PDE4D: variants seen among roughly 807,000 people sequenced by gnomAD.
PDE4D encodes the protein phosphodiesterase 4D.
Under a neutral mutation model 87.4 loss-of-function variants are expected in PDE4D, and 24 were observed. The observed-to-expected ratio is 0.27, with a 90% CI of 0.20 to 0.39. The LOEUF is 0.39. Among genes scored for constraint, PDE4D ranks in the 10% least tolerant of loss-of-function variants. The pLI is 1.00. For missense variants in PDE4D, 714 were observed against 1,041.0 expected (o/e 0.69, Z 4.32); for synonymous variants, 384 against 383.2 (o/e 1.00, Z -0.02).
intron 1 of PDE4D, among the ~76,000 whole-genome samples, chr5:59,591,562 T>C (rs1463279870): frequency 1.4e-5 from 2 of 144,338 alleles, no homozygotes; most frequent in Non-Finnish European, 2.9e-5. Context: ...CTTAAATAAC[T>C]TGATGAAATA....
chr5:60,072,280 T>A (rs144491167), intron 2 of PDE4D, among the ~76,000 whole-genome samples: 2 of 152,288 alleles, frequency 1.3e-5, no homozygotes, highest in East Asian at 3.9e-4. Context: ...GATACTGAGT[T>A]TTTTTCATAT....
chr5:59,776,862 A>T (rs948419568), intron 1 of PDE4D, among the ~76,000 whole-genome samples: 7 of 129,722 alleles, frequency 5.4e-5, no homozygotes, highest in African/African-American at 7.7e-5. Flanking sequence ...ATGTTTCACG[A>T]AAAAAAAAAA....
chr5:60,124,694 T>A (rs1413088548), intron 2 of PDE4D, among the ~76,000 whole-genome samples: 1 of 152,162 alleles, frequency 6.6e-6, no homozygotes, highest in Non-Finnish European at 1.5e-5. Context: ...TATATCTTAT[T>A]TCTCTGCCTA....
At chr5:60,055,142 G>A (rs1770637300) in intron 2 of PDE4D, among the ~76,000 whole-genome samples, 1 of 152,032 alleles carries the variant, frequency 6.6e-6, no homozygotes, top group African/African-American at 2.4e-5. Flanking sequence ...AGCTCCGAGA[G>A]ACCAGGGACC....
chr5:60,023,052 G>T (rs1385035809), intron 2 of PDE4D, among the ~76,000 whole-genome samples: 3 of 152,116 alleles, frequency 2.0e-5, no homozygotes, highest in Non-Finnish European at 4.4e-5. Context: ...AAATTCAGGA[G>T]GCCTCTGGAG....
rs1189201473 is a variant in PDE4D at position 60,505,487 on chromosome 5, A to G, written n.70+16564T>C. Among the ~76,000 whole-genome samples the G allele has an allele frequency of 2.6e-5, 4 of 152,174 alleles. 1 individual carries two copies. In the East Asian group the frequency reaches 7.7e-4, roughly 29 times the overall value. On this transcript the variant is annotated intron_variant and non_coding_transcript_variant, in intron 1 of 2. Coordinates refer to the PDE4D transcript ENST00000506510. ...AGCATATCAACGTACGTTCTTCTCC[A>G]CTGTGAAACACTGAGCTGAGCACTC...
In PDE4D at chr5:58,975,009, C is replaced by A; in HGVS notation, c.2085G>T (p.Gln695His). 1 of 1,608,630 alleles carries A rather than the reference C, an allele frequency of 6.2e-7. No homozygotes were observed. Among genetic ancestry groups the A allele is most frequent in the East Asian group, 2.2e-5 (1 of 44,726 alleles). The change falls in exon 15 of 15, where the codon CAG (glutamine) becomes CAT (histidine). Residue 695 changes from glutamine (Q) to histidine (H), a missense_variant. Around this residue, in one of 7 missense-constraint regions of PDE4D, gnomAD observed 97 missense variants for 176.9 expected, o/e 0.55. Transcript: ENST00000340635. This position sits in a 1 kb window ranked among gnomAD's most constrained non-coding sequence, Gnocchi z 4.2. ...TGTCCTCCAAAGTGTCCAAAATATCCTGGGCGTCAGGGTGGACGAGGTCTG... is the reference window on the plus strand; with the variant it reads ...TGTCCTCCAAAGTGTCCAAAATATCATGGGCGTCAGGGTGGACGAGGTCTG... ...TWADLVHPDA[Q>H]DILDTLEDNR...
rs1478257863 is a variant in PDE4D, at chr5:58,992,119, C to T, written c.1016-115G>A. 7.2e-6 allele frequency: 5 copies of T among 695,404 alleles called. No homozygotes were observed. The East Asian group carries it at 1.3e-4, about 18-fold the overall frequency. The allele number at this position is 695,404 out of a possible 1,614,324, so 43.1% of individuals were successfully genotyped here. A position where few individuals can be genotyped will look rare whatever the true frequency, so the allele number is the denominator to read the frequency against. On this transcript the variant is annotated intron_variant, in intron 7 of 14. Coordinates refer to ENST00000340635, the MANE Select transcript of PDE4D (RefSeq NM_001104631.2). ...TATATATTCCAGGAAATGTTTCCAA[C>T]TAAAAAGTTTCCTTTTAGAGAGTTC...
At chr5:60,089,275 T>C (rs939248883) in intron 2 of PDE4D, among the ~76,000 whole-genome samples, 1 of 152,020 alleles carries the variant, frequency 6.6e-6, no homozygotes, top group African/African-American at 2.4e-5. Context: ...TTCTCTAGGA[T>C]AGACCATATG....
rs538001080 is a variant in PDE4D, at chr5:59,504,947, C to T, written c.456-288979G>A. Among the ~76,000 whole-genome samples, 100 of 144,390 alleles carry T rather than the reference C, an allele frequency of 6.9e-4. 1 individual carries two copies. In the South Asian group the frequency reaches 0.019, roughly 27 times the overall value. 94.7% of individuals were successfully genotyped at this position (144,390 alleles called of 152,430 possible). A position where few individuals can be genotyped will look rare whatever the true frequency, so the allele number is the denominator to read the frequency against. On this transcript the variant is annotated intron_variant, in intron 1 of 14. Coordinates refer to ENST00000340635, the MANE Select transcript of PDE4D (RefSeq NM_001104631.2). ...GTGTGTGTGTGTGTGTGTGCGTGCG[C>T]GTGTGTTTGTGTATGTGTGTGTGTG...
chr5:59,988,456 A>G, intron 3 of PDE4D: 3 of 1,391,234 alleles, frequency 2.2e-6, no homozygotes, highest in South Asian at 1.2e-5. Context: ...TCTAAAATAT[A>G]AAATGGGGAA....
chr5:59,160,786 CT>C (rs1561595861), intron 5 of PDE4D, among the ~76,000 whole-genome samples: 1 of 151,862 alleles, frequency 6.6e-6, no homozygotes, highest in Admixed American at 6.6e-5. Context: ...GATTTCTGAG[CT>C]TAGATGCTCT....
chr5:59,968,638 A>C (rs933298408), intron 3 of PDE4D, among the ~76,000 whole-genome samples: 1 of 150,018 alleles, frequency 6.7e-6, no homozygotes, highest in African/African-American at 2.4e-5. Flanking sequence ...GCAGTTTTAG[A>C]AATTTGGATA....
intron 6 of PDE4D, among the ~76,000 whole-genome samples, chr5:59,031,936 AGGAGGAG>A (rs1301495439): frequency 1.3e-5 from 2 of 152,014 alleles, no homozygotes; most frequent in African/African-American, 4.8e-5. Flanking sequence ...GAGGCTGTAG[AGGAGGAG>A]GGAGAGAGAA....
At chr5:59,402,147 A>G (rs961545640) in intron 1 of PDE4D, among the ~76,000 whole-genome samples, 4 of 152,226 alleles carry the variant, frequency 2.6e-5, no homozygotes, top group Admixed American at 2.6e-4. Context: ...CAACAATGGC[A>G]TGGAAATTCG....
chr5:59,095,295 T>C (rs1769494379), intron 5 of PDE4D, among the ~76,000 whole-genome samples: 1 of 150,898 alleles, frequency 6.6e-6, no homozygotes, highest in Non-Finnish European at 1.5e-5. Flanking sequence ...AATCTCATAA[T>C]GAGGCATTCT....
At chr5:60,264,971 T>A (rs1001777935) in intron 1 of PDE4D, among the ~76,000 whole-genome samples, 2 of 152,154 alleles carry the variant, frequency 1.3e-5, no homozygotes, top group Admixed American at 6.5e-5. Context: ...ATGATGAAAA[T>A]TACAGGCATG....
At chr5:60,328,150 A>G (rs1756975675) in intron 1 of PDE4D, among the ~76,000 whole-genome samples, 1 of 152,172 alleles carries the variant, frequency 6.6e-6, no homozygotes. Flanking sequence ...ATCTAGCTCT[A>G]GTCACTGGGA....
At chr5:60,374,098 T>C (rs1761247372) in intron 1 of PDE4D, among the ~76,000 whole-genome samples, 2 of 152,316 alleles carry the variant, frequency 1.3e-5, no homozygotes, top group South Asian at 4.1e-4. Flanking sequence ...CACCAAGCCT[T>C]CCTTTCCTTG....
Sources: allele counts gnomAD v4.1 joint callset (sites outside exome capture counted in the v4.1 genomes callset), GRCh38; gene constraint gnomAD v4.1.1; regional missense constraint gnomAD v4.1.1; non-coding constraint Gnocchi (gnomAD v3.1); transcripts MANE v1.5; gene names NCBI Gene and HGNC (gene_info 2026-07-23, HGNC 2026-07-21).